The following ZNF804A variants were observed in gnomAD, a reference collection of about 807,000 sequenced individuals.
ZNF804A encodes the protein zinc finger protein 804A.
A neutral mutation model predicts 16.5 loss-of-function variants in ZNF804A; 2 were observed. That is an observed-to-expected ratio of 0.12 (90% confidence interval 0.05 to 0.38). The LOEUF (loss-of-function observed/expected upper bound fraction) is 0.38, where lower values mean the gene tolerates loss of function less well. Ranked by LOEUF, ZNF804A falls within the 10% of genes least tolerant of loss-of-function variation. The probability of loss-of-function intolerance (pLI) is 0.99; values close to 1 mark genes in which losing one functional copy is unlikely to be tolerated. For missense variants in ZNF804A, 1,473 were observed against 1,390.7 expected, an observed-to-expected ratio of 1.06 and a Z score of -0.94; for synonymous variants, 534 against 489.6, an observed-to-expected ratio of 1.09 and a Z score of -1.20.
At chr2:184,878,186 A>C (rs1367093839) in intron 2 of ZNF804A, among the ~76,000 whole-genome samples, 1 of 152,082 alleles carries the variant, frequency 6.6e-6, no homozygotes, top group Non-Finnish European at 1.5e-5. Flanking sequence ...TACTCTCTTT[A>C]GAGGACTAGT....
At chr2:184,816,687 T>C (rs2105789046) in intron 1 of ZNF804A, among the ~76,000 whole-genome samples, 1 of 152,122 alleles carries the variant, frequency 6.6e-6, no homozygotes, top group South Asian at 2.1e-4. Flanking sequence ...GTTACCGTTA[T>C]CTCCCCTGAC....
chr2:184,669,318 T>G (rs1319850301), intron 1 of ZNF804A, among the ~76,000 whole-genome samples: 3 of 152,084 alleles, frequency 2.0e-5, no homozygotes, highest in Non-Finnish European at 2.9e-5. Context: ...GAGATTCTTA[T>G]ATAGTGTATA....
intron 1 of ZNF804A, among the ~76,000 whole-genome samples, chr2:184,711,433 A>G (rs1021563101): frequency 4.6e-5 from 7 of 151,816 alleles, no homozygotes; most frequent in African/African-American, 1.7e-4. Context: ...TGTTTTGCAA[A>G]TATTTTCTCC....
chr2:184,823,451 G>T (rs187785316), intron 1 of ZNF804A, among the ~76,000 whole-genome samples: 2 of 152,200 alleles, frequency 1.3e-5, no homozygotes, highest in Admixed American at 6.6e-5. Flanking sequence ...AGGAGTTTCT[G>T]ATCATTTGTT....
chr2:184,938,457 G>A lies in ZNF804A; in HGVS notation c.3061G>A (p.Glu1021Lys), dbSNP rs767246808. Residue 1021 changes from glutamate to lysine, a missense_variant, in exon 4 of 4, where the codon GAG becomes AAG. Coordinates refer to ENST00000302277, the MANE Select transcript of ZNF804A (RefSeq NM_194250.2). ...HVSGHTFVTA[E>K]QILAPLALPE... ...CAGTGGTCATACTTTTGTAACAGCT[G>A]AGCAAATCCTGGCTCCATTAGCTTT... is the stretch of plus-strand genomic sequence containing the variant. 2 of 1,614,008 alleles carry A rather than the reference G, an allele frequency of 1.2e-6. No homozygotes were observed. The highest frequency in any genetic ancestry group is 1.7e-6 in the Non-Finnish European group (2 of 1,179,996).
At chr2:184,868,996 A>G (rs1695929028) in intron 2 of ZNF804A, among the ~76,000 whole-genome samples, 2 of 152,034 alleles carry the variant, frequency 1.3e-5, no homozygotes, top group South Asian at 4.1e-4. Flanking sequence ...CTGAAATCCA[A>G]AATGCTCTAA....
chr2:184,648,377 C>T (rs935938480), intron 1 of ZNF804A, among the ~76,000 whole-genome samples: 2 of 152,162 alleles, frequency 1.3e-5, no homozygotes, highest in Admixed American at 6.5e-5. Flanking sequence ...AACCAGCTAA[C>T]AACTTCTTGA....
intron 2 of ZNF804A, among the ~76,000 whole-genome samples, chr2:184,878,394 T>G (rs906294964): frequency 1.3e-5 from 2 of 151,998 alleles, no homozygotes; most frequent in African/African-American, 2.4e-5. Flanking sequence ...AAATATACAA[T>G]GGGCTATACT....
At chr2:184,880,629 C>A (rs1684796606) in intron 2 of ZNF804A, among the ~76,000 whole-genome samples, 1 of 151,942 alleles carries the variant, frequency 6.6e-6, no homozygotes. Flanking sequence ...GTTTCTTAGT[C>A]TGTTGTGTGC....
chr2:184,927,300 CCAGA>C (rs1439242460), intron 2 of ZNF804A, among the ~76,000 whole-genome samples: 1 of 152,226 alleles, frequency 6.6e-6, no homozygotes, highest in African/African-American at 2.4e-5. Flanking sequence ...ATCTGGATTA[CCAGA>C]CAAAGACTCC....
intron 1 of ZNF804A, among the ~76,000 whole-genome samples, chr2:184,738,739 A>G (rs937408255): frequency 9.2e-5 from 14 of 152,226 alleles, no homozygotes; most frequent in African/African-American, 2.9e-4. Context: ...ATTGAAAATA[A>G]TTTGTTATGC....
intron 1 of ZNF804A, among the ~76,000 whole-genome samples, chr2:184,754,957 C>T (rs1258229856): frequency 1.3e-5 from 2 of 151,818 alleles, no homozygotes; most frequent in Non-Finnish European, 2.9e-5. Flanking sequence ...AAGTCATTCA[C>T]CATCTGAAGA....
intron 2 of ZNF804A, among the ~76,000 whole-genome samples, chr2:184,892,609 C>G (rs909756634): frequency 6.6e-6 from 1 of 151,654 alleles, no homozygotes; most frequent in Non-Finnish European, 1.5e-5. Flanking sequence ...CTCATCCCCC[C>G]AGTAGCTGGG....
chr2:184,876,927 G>A (rs746471530), intron 2 of ZNF804A, among the ~76,000 whole-genome samples: 27 of 151,754 alleles, frequency 1.8e-4, no homozygotes, highest in Non-Finnish European at 3.1e-4. Context: ...CTAATTTTAC[G>A]GATTTCATTT....
intron 1 of ZNF804A, among the ~76,000 whole-genome samples, chr2:184,716,974 C>G (rs1483950961): frequency 6.6e-6 from 1 of 152,092 alleles, no homozygotes; most frequent in Non-Finnish European, 1.5e-5. Context: ...GTGTAGAACA[C>G]CCTGGAAGAG....
intron 1 of ZNF804A, among the ~76,000 whole-genome samples, chr2:184,627,942 A>T (rs923779010): frequency 4.6e-5 from 7 of 152,220 alleles, no homozygotes; most frequent in Non-Finnish European, 1.0e-4. Context: ...CTCAATATTT[A>T]TTCAACATGG....
intron 2 of ZNF804A, among the ~76,000 whole-genome samples, chr2:184,912,362 T>A (rs183442795): frequency 3.3e-5 from 5 of 152,176 alleles, no homozygotes; most frequent in Admixed American, 3.3e-4. Context: ...TGATTGGAAC[T>A]TAAGTTGTTT....
intron 1 of ZNF804A, among the ~76,000 whole-genome samples, chr2:184,624,296 A>G (rs981300723): frequency 6.6e-6 from 1 of 152,178 alleles, no homozygotes; most frequent in Non-Finnish European, 1.5e-5. Context: ...TTACCACAAT[A>G]AAAAAGCCTA....
rs139271720 is a variant in ZNF804A, at chr2:184,870,331, G to T, written c.255+3819G>T. On this transcript the variant is annotated intron_variant, in intron 2 of 3. Transcript: ENST00000302277. ...TGGTTACTTCAAGGGGTGATGTAGGGTGATGGGATACCATAGGAGACGTAA... is the reference window on the plus strand; with the variant it reads ...TGGTTACTTCAAGGGGTGATGTAGGTTGATGGGATACCATAGGAGACGTAA... Among the ~76,000 whole-genome samples the T allele has an allele frequency of 6.0e-3, 913 of 152,120 alleles. 9 individuals are homozygous for T. In the Middle Eastern group the frequency reaches 0.061, roughly 10 times the overall value.
Sources: gnomAD v4.1 joint callset for allele counts (sites outside exome capture counted in the v4.1 genomes callset) on GRCh38, gnomAD v4.1.1 for gene constraint, MANE v1.5 for transcripts, NCBI Gene and HGNC (gene_info 2026-07-23, HGNC 2026-07-21) for gene names.